Variants in GNRHR observed in about 807,000 individuals in gnomAD.
GNRHR encodes the protein gonadotropin releasing hormone receptor, also known as gonadotropin-releasing hormone receptor.
GNRHR carries 14 observed loss-of-function variants against 28.1 expected under a neutral mutation model. That is an observed-to-expected ratio of 0.50 (90% CI 0.33 to 0.78). The LOEUF (loss-of-function observed/expected upper bound fraction) is 0.78, where lower values mean the gene tolerates loss of function less well. Ranked by LOEUF, GNRHR falls within the 30% of genes least tolerant of loss-of-function variation. GNRHR has a pLI of 0.02. For missense variants in GNRHR, 366 were observed against 382.1 expected (o/e 0.96, Z 0.35); for synonymous variants, 141 against 140.5 (o/e 1.00, Z -0.02).
rs1577864293 is a variant in GNRHR at position 67,738,207 on chromosome 4, T to C, written c.*2273A>G. On this transcript the variant is annotated 3_prime_UTR_variant, in exon 3 of 3. Transcript: ENST00000226413. ...AAATAGATGAATAGATTATGTTATA[T>C]TTTTATTGTAATAGATTTCTTTATA... Among the ~76,000 whole-genome samples the C allele has an allele frequency of 6.6e-6, 1 of 151,782 alleles. No individual in the cohort carries two copies. The highest frequency in any genetic ancestry group is 1.9e-4 in the East Asian group (1 of 5,202).
intron 1 of GNRHR, among the ~76,000 whole-genome samples, chr4:67,746,818 T>G (rs1577869471): frequency 6.6e-6 from 1 of 152,020 alleles, no homozygotes; most frequent in African/African-American, 2.4e-5. Context: ...GTTAAATAAG[T>G]TAAAAAGTTG....
In GNRHR at chr4:67,740,403, A is replaced by G. The variant is rs1252504531; in HGVS notation, c.*77T>C. ...TGTTTGTATGTAAACATGCTCCAAC[A>G]TTTGTGTTAATCATTCCCAGATGGA... On this transcript the variant is annotated 3_prime_UTR_variant, in exon 3 of 3. Coordinates refer to ENST00000226413, the MANE Select transcript of GNRHR (RefSeq NM_000406.3). 5 of 1,083,122 alleles carry G rather than the reference A, an allele frequency of 4.6e-6. No individual in the cohort carries two copies. Among genetic ancestry groups the G allele is most frequent in the Non-Finnish European group, 5.7e-6 (4 of 700,792 alleles). 67.1% of individuals were successfully genotyped at this position (1,083,122 alleles called of 1,614,324 possible).
chr4:67,738,948 G>A lies in GNRHR; in HGVS notation c.*1532C>T, dbSNP rs528286579. 1.3e-5 allele frequency among the ~76,000 whole-genome samples: 2 copies of A among 151,852 alleles called. No individual in the cohort carries two copies. The highest frequency in any genetic ancestry group is 2.1e-4 in the South Asian group (1 of 4,816). ...ACACTATAAAACTGAAGTATGAGAG[G>A]AGAAAATCAAAGAAAGAAAGGACGT... is the stretch of plus-strand genomic sequence containing the variant. On this transcript the variant is annotated 3_prime_UTR_variant, in exon 3 of 3. Transcript: ENST00000226413.
At position 67,737,632 on chromosome 4, in the gene GNRHR, A is replaced by AT. The variant is rs1410109297; in HGVS notation, c.*2847dup. ...ATGTTTGTGGTACCTTCCCCAGAGT[A>AT]TTTTTTTAGCTACTATATTTCTATA... On this transcript the variant is annotated 3_prime_UTR_variant, in exon 3 of 3. Coordinates refer to ENST00000226413, the MANE Select transcript of GNRHR (RefSeq NM_000406.3). 6.6e-6 allele frequency among the ~76,000 whole-genome samples: 1 copy of AT among 151,888 alleles called. No individual in the cohort carries two copies. The highest frequency in any genetic ancestry group is 6.6e-5 in the Admixed American group (1 of 15,230).
rs770615070 is a variant in GNRHR at position 67,753,956 on chromosome 4, G to A, written c.380C>T (p.Ala127Val). The change falls in exon 1 of 3, where the codon GCC (alanine) becomes GTC (valine). Residue 127 changes from alanine (A) to valine (V), a missense_variant. Transcript: ENST00000226413. ...LSYLKLFSMY[A>V]PAFMMVVISL... Reference sequence around the variant, plus strand: ...GATCACCACCATCATGAAGGCTGGGGCATACATGGAGAAAAGCTTTAGATA... The same window carrying A: ...GATCACCACCATCATGAAGGCTGGGACATACATGGAGAAAAGCTTTAGATA... 3.2e-5 allele frequency: 51 copies of A among 1,613,882 alleles called. 1 individual carries two copies. The highest frequency in any genetic ancestry group is 2.6e-4 in the South Asian group (24 of 91,078).
intron 2 of GNRHR, among the ~76,000 whole-genome samples, chr4:67,742,075 C>T (rs1702736695): frequency 6.8e-6 from 1 of 146,300 alleles, no homozygotes; most frequent in East Asian, 2.4e-4. Context: ...ATCTATTTAT[C>T]TTTGTTTTTG....
chr4:67,746,432 C>A (rs1484655094), intron 1 of GNRHR, among the ~76,000 whole-genome samples: 1 of 151,930 alleles, frequency 6.6e-6, no homozygotes, highest in African/African-American at 2.4e-5. Flanking sequence ...TTCTAGTGGA[C>A]ATTTATTCAT....
Position 67,740,298 on chromosome 4 carries a change from C to T in GNRHR, c.*182G>A. 1 of 578,050 alleles carries T rather than the reference C, an allele frequency of 1.7e-6. No individual in the cohort carries two copies. Among genetic ancestry groups the T allele is most frequent in the Non-Finnish European group, 3.1e-6 (1 of 324,858 alleles). The allele number at this position is 578,050 out of a possible 1,614,324, so 35.8% of individuals were successfully genotyped here. On this transcript the variant is annotated 3_prime_UTR_variant, in exon 3 of 3. Coordinates refer to ENST00000226413, the MANE Select transcript of GNRHR (RefSeq NM_000406.3). ...GAAGAGAAAATATTTTAGTATTTTT[C>T]CTGAAGACTTTTCCTTAATAATTGA...
In GNRHR at chr4:67,740,276, G is replaced by C. The variant is rs1420393500; in HGVS notation, c.*204C>G. On this transcript the variant is annotated 3_prime_UTR_variant, in exon 3 of 3. Transcript: ENST00000226413. ...GATTAATTTAGAAGCTTATGAGGAA[G>C]AGAAAATATTTTAGTATTTTTCCTG... is the stretch of plus-strand genomic sequence containing the variant. 1.8e-6 allele frequency: 1 copy of C among 540,632 alleles called. No homozygotes were observed. Among genetic ancestry groups the C allele is most frequent in the Non-Finnish European group, 3.3e-6 (1 of 302,688 alleles). 33.5% of individuals were successfully genotyped at this position (540,632 alleles called of 1,614,324 possible). A position where few individuals can be genotyped will look rare whatever the true frequency, so the allele number is the denominator to read the frequency against.
At chr4:67,749,788 A>G (rs1364786518) in intron 1 of GNRHR, among the ~76,000 whole-genome samples, 5 of 151,786 alleles carry the variant, frequency 3.3e-5, no homozygotes, top group African/African-American at 1.2e-4. Context: ...TCTGACATGT[A>G]TAATTAGCAG....
chr4:67,748,787 T>C (rs1049701768), intron 1 of GNRHR, among the ~76,000 whole-genome samples: 2 of 151,366 alleles, frequency 1.3e-5, no homozygotes, highest in African/African-American at 2.4e-5. Context: ...AAGAGCTGGC[T>C]ATGGATATGG....
At chr4:67,741,491 A>T (rs1342274158) in intron 2 of GNRHR, among the ~76,000 whole-genome samples, 2 of 152,050 alleles carry the variant, frequency 1.3e-5, no homozygotes, top group Non-Finnish European at 2.9e-5. Context: ...GCAATTGCAA[A>T]CTGTGCTGCT....
intron 1 of GNRHR, among the ~76,000 whole-genome samples, chr4:67,750,062 A>C (rs1387982538): frequency 3.3e-5 from 5 of 152,174 alleles, no homozygotes; most frequent in Non-Finnish European, 5.9e-5. Flanking sequence ...TTTAAAATTA[A>C]GGTGTAAAGT....
In GNRHR at chr4:67,754,162, C is replaced by A. The variant is rs1731925271; in HGVS notation, c.174G>T (p.Leu58Phe). 6.2e-7 allele frequency: 1 copy of A among 1,613,898 alleles called. No homozygotes were observed. The highest frequency in any genetic ancestry group is 8.5e-7 in the Non-Finnish European group (1 of 1,179,852). The change falls in exon 1 of 3, where the codon TTG becomes TTT. Residue 58 changes from leucine to phenylalanine, a missense_variant. Coordinates refer to ENST00000226413, the MANE Select transcript of GNRHR (RefSeq NM_000406.3). ...TCTTCTGTGTCCACTTCTGAAGTTT[C>A]AACAAGAAAGAAGCATTAAAGGTCG... ...LSATFNASFL[L>F]KLQKWTQKKE...
At chr4:67,745,183 AATTTT>A (rs947364365) in intron 1 of GNRHR, among the ~76,000 whole-genome samples, 3 of 152,122 alleles carry the variant, frequency 2.0e-5, no homozygotes, top group African/African-American at 7.2e-5. Context: ...TACATATTTA[AATTTT>A]ATTTTAGAGA....
rs894687427 is a variant in GNRHR, at chr4:67,737,481, G to T, written c.*2999C>A. On this transcript the variant is annotated 3_prime_UTR_variant, in exon 3 of 3. Coordinates refer to ENST00000226413, the MANE Select transcript of GNRHR (RefSeq NM_000406.3). ...AGGAAAGTGGACCACAGGTAAAATA[G>T]ATGGAGTTCTAGAAGTATTTTAACT... 6.6e-6 allele frequency among the ~76,000 whole-genome samples: 1 copy of T among 151,936 alleles called. No individual in the cohort carries two copies. The highest frequency in any genetic ancestry group is 2.4e-5 in the African/African-American group (1 of 41,424).
Position 67,738,315 on chromosome 4 carries a change from T to C in GNRHR, c.*2165A>G, listed in dbSNP as rs886059555. 2.6e-5 allele frequency among the ~76,000 whole-genome samples: 4 copies of C among 151,720 alleles called. No individual in the cohort carries two copies. The highest frequency in any genetic ancestry group is 4.4e-5 in the Non-Finnish European group (3 of 67,782). On this transcript the variant is annotated 3_prime_UTR_variant, in exon 3 of 3. Transcript: ENST00000226413. ...CAGTCTGGTCCATCCCTCTCAGGACTGTGTTTTTAAATGCATAAAATAATA... is the reference window on the plus strand; with the variant it reads ...CAGTCTGGTCCATCCCTCTCAGGACCGTGTTTTTAAATGCATAAAATAATA...
chr4:67,749,677 C>T (rs1731830956), intron 1 of GNRHR, among the ~76,000 whole-genome samples: 2 of 151,442 alleles, frequency 1.3e-5, no homozygotes, highest in African/African-American at 4.9e-5. Flanking sequence ...TTCCCTCCCT[C>T]CCTGCCTCCT....
intron 1 of GNRHR, among the ~76,000 whole-genome samples, chr4:67,752,232 G>C (rs943456789): frequency 6.6e-6 from 1 of 150,428 alleles, no homozygotes; most frequent in Non-Finnish European, 1.5e-5. Flanking sequence ...TTTGAGACAG[G>C]TTCTCATTCT....
Sources: allele counts gnomAD v4.1 joint callset (sites outside exome capture counted in the v4.1 genomes callset), GRCh38; gene constraint gnomAD v4.1.1; transcripts MANE v1.5; gene names NCBI Gene and HGNC (gene_info 2026-07-23, HGNC 2026-07-21).